FTCDNL1: variants seen among roughly 807,000 people sequenced by gnomAD.
FTCDNL1 encodes formiminotransferase cyclodeaminase N-terminal like.
FTCDNL1 carries 11 observed loss-of-function variants against 5.9 expected under a neutral mutation model. The ratio of observed to expected loss-of-function variants is 1.87; its 90% confidence interval spans 1.18 to 3.10. FTCDNL1 has a LOEUF of 3.10. FTCDNL1 is among the 30% of genes most tolerant of loss of function. The pLI, the probability that FTCDNL1 is intolerant of heterozygous loss-of-function variation, is 0.00. For synonymous variants in FTCDNL1, 58 were observed against 24.8 expected, an observed-to-expected ratio of 2.34 and a Z score of -3.99; for missense variants, 115 against 65.5, an observed-to-expected ratio of 1.76 and a Z score of -2.61.
intron 3 of FTCDNL1, among the ~76,000 whole-genome samples, chr2:199,795,311 G>T (rs1024889837): frequency 2.0e-5 from 3 of 152,170 alleles, no homozygotes; most frequent in Non-Finnish European, 4.4e-5. Context: ...GCTAGAGAGA[G>T]GAGTTATTGC....
the FTCDNL1 span, among the ~76,000 whole-genome samples, chr2:199,718,982 T>C: frequency 6.6e-6 from 1 of 152,150 alleles, no homozygotes; most frequent in Non-Finnish European, 1.5e-5. Context: ...AAATTTTTTT[T>C]CCCATTCTGT....
At chr2:199,740,150 T>C in the FTCDNL1 span, among the ~76,000 whole-genome samples, 1 of 152,234 alleles carries the variant, frequency 6.6e-6, no homozygotes, top group Admixed American at 6.5e-5. Context: ...AGAATCACTA[T>C]TGCATGGAAA....
At chr2:199,670,095 A>G in the FTCDNL1 span, among the ~76,000 whole-genome samples, 1 of 152,222 alleles carries the variant, frequency 6.6e-6, no homozygotes, top group Admixed American at 6.5e-5. Context: ...ATGGATTTAT[A>G]CCCTGGGAAA....
chr2:199,834,277 C>T (rs1436781900), intron 3 of FTCDNL1, among the ~76,000 whole-genome samples: 3 of 152,176 alleles, frequency 2.0e-5, no homozygotes, highest in Non-Finnish European at 4.4e-5. Flanking sequence ...CCTGCTGCCA[C>T]CCTGATCGCG....
intron 3 of FTCDNL1, among the ~76,000 whole-genome samples, chr2:199,841,095 G>A (rs1033024174): frequency 6.6e-6 from 1 of 151,954 alleles, no homozygotes; most frequent in African/African-American, 2.4e-5. Context: ...AGGTTGCAGT[G>A]AGCCGGGATC....
chr2:199,668,641 T>C, the FTCDNL1 span, among the ~76,000 whole-genome samples: 2 of 152,152 alleles, frequency 1.3e-5, no homozygotes, highest in Admixed American at 6.5e-5. Context: ...CCTTGGTTGT[T>C]ATGTTTGTCA....
the FTCDNL1 span, among the ~76,000 whole-genome samples, chr2:199,669,189 A>G: frequency 6.6e-6 from 1 of 152,030 alleles, no homozygotes; most frequent in Non-Finnish European, 1.5e-5. Context: ...TGAACAGAGC[A>G]TTGTTAACTA....
rs191114695 is a variant in FTCDNL1, at chr2:199,836,948, G to A, written c.211+9127C>T. Among the ~76,000 whole-genome samples the A allele has an allele frequency of 7.9e-5, 12 of 152,282 alleles. No homozygotes were observed. The East Asian group carries it at 2.3e-3, about 29-fold the overall frequency. Reference sequence around the variant, plus strand: ...CCACAGGCCAAGTGTTGCCCGATGGGGTTAACTTGCTTGCTCACTCACACT... The same window carrying A: ...CCACAGGCCAAGTGTTGCCCGATGGAGTTAACTTGCTTGCTCACTCACACT... On this transcript the variant is annotated intron_variant, in intron 3 of 4. Coordinates refer to ENST00000420128, the MANE Select transcript of FTCDNL1 (RefSeq NM_001363886.2).
the FTCDNL1 span, among the ~76,000 whole-genome samples, chr2:199,741,204 A>C: frequency 5.9e-5 from 9 of 152,212 alleles, no homozygotes; most frequent in Non-Finnish European, 1.3e-4. Flanking sequence ...TGAGGCCAGG[A>C]GTTCGACGCT....
At chr2:199,775,269 A>C (rs1350136458) in intron 3 of FTCDNL1, among the ~76,000 whole-genome samples, 1 of 152,216 alleles carries the variant, frequency 6.6e-6, no homozygotes, top group African/African-American at 2.4e-5. Context: ...GAGGGAGTGA[A>C]GCCAGTAATA....
At chr2:199,720,692 T>C in the FTCDNL1 span, among the ~76,000 whole-genome samples, 1 of 152,208 alleles carries the variant, frequency 6.6e-6, no homozygotes, top group Non-Finnish European at 1.5e-5. Flanking sequence ...GGGCCCAACA[T>C]AATCCAGGAT....
chr2:199,793,123 C>T (rs1287634002), intron 3 of FTCDNL1, among the ~76,000 whole-genome samples: 1 of 152,118 alleles, frequency 6.6e-6, no homozygotes, highest in Non-Finnish European at 1.5e-5. Context: ...GCTCTTGATG[C>T]TAATTGCTGC....
At chr2:199,713,763 A>T in the FTCDNL1 span, among the ~76,000 whole-genome samples, 1 of 152,210 alleles carries the variant, frequency 6.6e-6, no homozygotes, top group African/African-American at 2.4e-5. Flanking sequence ...GAAAGTAAGG[A>T]TCTAAATAGT....
intron 3 of FTCDNL1, among the ~76,000 whole-genome samples, chr2:199,769,479 G>GCA (rs1553536372): frequency 6.6e-6 from 1 of 151,882 alleles, no homozygotes; most frequent in African/African-American, 2.4e-5. Context: ...TGATTTTGAG[G>GCA]CCCCCCCAGC....
chr2:199,781,465 T>C (rs1204235283), intron 3 of FTCDNL1, among the ~76,000 whole-genome samples: 1 of 152,216 alleles, frequency 6.6e-6, no homozygotes, highest in Admixed American at 6.5e-5. Context: ...TTCTGGAGCC[T>C]TGAACCTACT....
chr2:199,846,412 C>A (rs2076734595), intron 2 of FTCDNL1, among the ~76,000 whole-genome samples: 1 of 152,214 alleles, frequency 6.6e-6, no homozygotes, highest in African/African-American at 2.4e-5. Context: ...AAGAGACACT[C>A]TTTTGGACTT....
At chr2:199,771,263 G>A (rs937874768) in intron 3 of FTCDNL1, among the ~76,000 whole-genome samples, 7 of 152,080 alleles carry the variant, frequency 4.6e-5, no homozygotes, top group Non-Finnish European at 8.8e-5. Context: ...TATGGCTCAC[G>A]ACATGACCCA....
intron 3 of FTCDNL1, among the ~76,000 whole-genome samples, chr2:199,837,845 G>A (rs1350696357): frequency 6.6e-6 from 1 of 152,056 alleles, no homozygotes; most frequent in Non-Finnish European, 1.5e-5. Context: ...AGTTGATACG[G>A]CATTGTGCAA....
chr2:199,668,174 T>A, the FTCDNL1 span, among the ~76,000 whole-genome samples: 2 of 152,166 alleles, frequency 1.3e-5, no homozygotes, highest in East Asian at 3.8e-4. Flanking sequence ...TTGGACCTAC[T>A]GGAAACAAAT....
Sources: gnomAD v4.1 joint callset for allele counts (sites outside exome capture counted in the v4.1 genomes callset) on GRCh38, gnomAD v4.1.1 for gene constraint, MANE v1.5 for transcripts, NCBI Gene and HGNC (gene_info 2026-07-23, HGNC 2026-07-21) for gene names.